CSMD1: variants seen among roughly 807,000 people sequenced by gnomAD.
The protein encoded by CSMD1 is CUB and sushi domain-containing protein 1.
Under a neutral mutation model 417.5 loss-of-function variants are expected in CSMD1, and 213 were observed. The ratio of observed to expected loss-of-function variants is 0.51; its 90% CI spans 0.46 to 0.57. The LOEUF is 0.57. Among genes scored for constraint, CSMD1 ranks in the 20% least tolerant of loss-of-function variants. CSMD1 has a pLI of 0.00. For synonymous variants in CSMD1, 2,862 were observed against 1,736.8 expected (o/e 1.65, Z -16.11); for missense variants, 6,923 against 4,529.7 (o/e 1.53, Z -15.17).
chr8:4,213,869 G>C (rs1416495877), intron 3 of CSMD1, among the ~76,000 whole-genome samples: 4 of 152,322 alleles, frequency 2.6e-5, no homozygotes, highest in East Asian at 1.9e-4. Context: ...AATCAGATGA[G>C]GTGAAGGTGA....
intron 3 of CSMD1, among the ~76,000 whole-genome samples, chr8:4,204,887 C>A (rs552852984): frequency 6.6e-6 from 1 of 152,252 alleles, no homozygotes; most frequent in South Asian, 2.1e-4. Context: ...TCCTGAACTC[C>A]TGTCCTCAAA....
At chr8:4,026,989 G>C (rs1443695607) in intron 4 of CSMD1, among the ~76,000 whole-genome samples, 1 of 152,158 alleles carries the variant, frequency 6.6e-6, no homozygotes, top group Non-Finnish European at 1.5e-5. Flanking sequence ...TTATGCTGTA[G>C]TCCCACTATG....
chr8:3,057,146 T>G (rs62488308), intron 49 of CSMD1, among the ~76,000 whole-genome samples: 37,057 of 151,928 alleles, frequency 0.24, 5,137 homozygotes, highest in East Asian at 0.34. Context: ...GTTGAAAAGA[T>G]GGACTCATTT....
At chr8:3,414,398 C>T (rs1357511563) in intron 12 of CSMD1, among the ~76,000 whole-genome samples, 1 of 152,140 alleles carries the variant, frequency 6.6e-6, no homozygotes, top group African/African-American at 2.4e-5. Flanking sequence ...ATACATCACA[C>T]AGAAATTTTC....
intron 14 of CSMD1, among the ~76,000 whole-genome samples, chr8:3,407,420 G>T (rs1454080870): frequency 6.6e-6 from 1 of 151,858 alleles, no homozygotes; most frequent in African/African-American, 2.4e-5. Flanking sequence ...TGGATGGAAG[G>T]ATGGATGGAT....
chr8:3,798,025 A>G (rs1233015061), intron 5 of CSMD1, among the ~76,000 whole-genome samples: 1 of 152,038 alleles, frequency 6.6e-6, no homozygotes, highest in East Asian at 1.9e-4. Flanking sequence ...TAAACTTTTC[A>G]GGTGCTTTTT....
intron 5 of CSMD1, among the ~76,000 whole-genome samples, chr8:3,865,350 TG>T (rs1202912132): frequency 1.3e-5 from 2 of 152,324 alleles, no homozygotes; most frequent in South Asian, 2.1e-4. Flanking sequence ...ATGCTCTTGC[TG>T]GTATGAAACT....
At chr8:3,504,554 C>G (rs1796743758) in intron 10 of CSMD1, among the ~76,000 whole-genome samples, 1 of 152,204 alleles carries the variant, frequency 6.6e-6, no homozygotes. Flanking sequence ...CAGGCACATT[C>G]TGCCACCATT....
chr8:4,591,972 T>C lies in CSMD1; in HGVS notation c.302+45370A>G, dbSNP rs555595874. On this transcript the variant is annotated intron_variant, in intron 2 of 69. Coordinates refer to ENST00000635120, the MANE Select transcript of CSMD1 (RefSeq NM_033225.6). The stretch of plus-strand genomic sequence containing the variant: ...GTGCAAACGCCTAGATAGATGGAGA[T>C]ATTGGCAAAGGCAAAACAGGCTGCA... Among the ~76,000 whole-genome samples, 14 of 152,046 alleles carry C rather than the reference T, an allele frequency of 9.2e-5. No homozygotes were observed. In the East Asian group the frequency reaches 1.9e-3, roughly 21 times the overall value.
chr8:4,838,662 G>A (rs1030670565), intron 1 of CSMD1, among the ~76,000 whole-genome samples: 1 of 152,188 alleles, frequency 6.6e-6, no homozygotes, highest in African/African-American at 2.4e-5. Flanking sequence ...ACGCGGAGGT[G>A]GGATGAGAAG....
intron 3 of CSMD1, among the ~76,000 whole-genome samples, chr8:4,259,108 T>C (rs1464998802): frequency 1.3e-5 from 2 of 152,096 alleles, no homozygotes; most frequent in South Asian, 2.1e-4. Context: ...CTCTGAAAGG[T>C]CGTACTTTAA....
intron 7 of CSMD1, among the ~76,000 whole-genome samples, chr8:3,671,995 A>G (rs1799095540): frequency 6.6e-6 from 1 of 152,204 alleles, no homozygotes; most frequent in Admixed American, 6.5e-5. Context: ...TTAAACAAAA[A>G]TAATTGAGAA....
intron 42 of CSMD1, among the ~76,000 whole-genome samples, chr8:3,116,148 A>G (rs966617472): frequency 2.0e-5 from 3 of 151,802 alleles, no homozygotes; most frequent in African/African-American, 4.9e-5. Flanking sequence ...TTTGCGTTAA[A>G]TAACACCTTT....
At chr8:4,070,559 G>A (rs532988302) in intron 3 of CSMD1, among the ~76,000 whole-genome samples, 29 of 152,098 alleles carry the variant, frequency 1.9e-4, no homozygotes, top group South Asian at 4.2e-4. Flanking sequence ...GGGTTTCACC[G>A]TGTTAGCCAG....
At position 4,605,486 on chromosome 8, in the gene CSMD1, C is replaced by G. The variant is rs147193121; in HGVS notation, c.302+31856G>C. ...TGATGATTCATCTTACCTTTATGCC[C>G]GACTGCCAATTTACCTAATTGACCA... is the stretch of plus-strand genomic sequence containing the variant. On this transcript the variant is annotated intron_variant, in intron 2 of 69. Transcript: ENST00000635120. Among the ~76,000 whole-genome samples, 379 of 152,228 alleles carry G rather than the reference C, an allele frequency of 2.5e-3. 1 individual carries two copies. Among genetic ancestry groups the G allele is most frequent in the African/African-American group, 8.6e-3 (359 of 41,546 alleles).
At chr8:4,019,933 C>G (rs1191721776) in intron 4 of CSMD1, among the ~76,000 whole-genome samples, 1 of 141,348 alleles carries the variant, frequency 7.1e-6, no homozygotes, top group Non-Finnish European at 1.5e-5. Flanking sequence ...AAAAAAAAAC[C>G]CTTTTTTTTA....
At chr8:4,055,869 A>G (rs1358261718) in intron 3 of CSMD1, among the ~76,000 whole-genome samples, 4 of 152,094 alleles carry the variant, frequency 2.6e-5, no homozygotes, top group African/African-American at 4.8e-5. Flanking sequence ...TTATTTAAAC[A>G]TACCAAAATA....
At chr8:4,300,992 A>G (rs575169025) in intron 3 of CSMD1, among the ~76,000 whole-genome samples, 21 of 152,310 alleles carry the variant, frequency 1.4e-4, no homozygotes, top group African/African-American at 2.6e-4. Context: ...CACTATAAAC[A>G]TAAGTGTGCA....
At chr8:4,700,976 C>G (rs745845630) in intron 1 of CSMD1, among the ~76,000 whole-genome samples, 12 of 152,080 alleles carry the variant, frequency 7.9e-5, no homozygotes, top group Non-Finnish European at 1.2e-4. Flanking sequence ...GTACATACTT[C>G]TAATAATAAG....
Sources: allele counts gnomAD v4.1 joint callset (sites outside exome capture counted in the v4.1 genomes callset), GRCh38; gene constraint gnomAD v4.1.1; transcripts MANE v1.5; gene names NCBI Gene and HGNC (gene_info 2026-07-23, HGNC 2026-07-21).